KIAA1217: variants seen among roughly 807,000 people sequenced by gnomAD.
KIAA1217 encodes KIAA1217.
Under a neutral mutation model 163.9 loss-of-function variants are expected in KIAA1217, and 88 were observed. The observed-to-expected ratio is 0.54, with a 90% CI of 0.45 to 0.64. KIAA1217 has a LOEUF of 0.64. Among genes scored for constraint, KIAA1217 ranks in the 30% least tolerant of loss-of-function variants. The pLI, the probability that KIAA1217 is intolerant of heterozygous loss-of-function variation, is 0.00. For synonymous variants in KIAA1217, 903 were observed against 923.1 expected (o/e 0.98, Z 0.39); for missense variants, 2,372 against 2,475.0 (o/e 0.96, Z 0.88).
At chr10:23,841,705 C>T (rs1838791273) in intron 1 of KIAA1217, among the ~76,000 whole-genome samples, 1 of 151,868 alleles carries the variant, frequency 6.6e-6, no homozygotes, top group Non-Finnish European at 1.5e-5. Context: ...AGAAAAGCAG[C>T]TTAAATTGAT....
At chr10:24,338,297 T>G (rs1480017240) in intron 2 of KIAA1217, among the ~76,000 whole-genome samples, 1 of 152,202 alleles carries the variant, frequency 6.6e-6, no homozygotes, top group Non-Finnish European at 1.5e-5. Context: ...TCTATGCAGG[T>G]GCATCCTCTG....
At chr10:24,131,941 A>G (rs1450078970) in intron 2 of KIAA1217, among the ~76,000 whole-genome samples, 2 of 152,236 alleles carry the variant, frequency 1.3e-5, no homozygotes, top group African/African-American at 4.8e-5. Context: ...TCCACGTTTC[A>G]GTGACTTCTC....
chr10:23,818,000 T>TAC (rs1433150421), intron 1 of KIAA1217, among the ~76,000 whole-genome samples: 19 of 103,228 alleles, frequency 1.8e-4, no homozygotes, highest in African/African-American at 7.9e-4. Context: ...TATATATATA[T>TAC]ATATATATAC....
At chr10:24,402,912 C>A (rs1339207830) in intron 3 of KIAA1217, among the ~76,000 whole-genome samples, 3 of 152,220 alleles carry the variant, frequency 2.0e-5, no homozygotes, top group South Asian at 2.1e-4. Flanking sequence ...GGGAGGATCA[C>A]TTGAGGTCAG....
intron 2 of KIAA1217, among the ~76,000 whole-genome samples, chr10:24,062,538 T>C (rs1318866627): frequency 1.3e-5 from 2 of 151,372 alleles, no homozygotes; most frequent in African/African-American, 4.9e-5. Flanking sequence ...CAGTCTATCA[T>C]TGTTGGACAT....
intron 1 of KIAA1217, among the ~76,000 whole-genome samples, chr10:23,702,307 A>G (rs1836513432): frequency 6.6e-6 from 1 of 152,124 alleles, no homozygotes. Context: ...GAGACAATGA[A>G]ATGAAAGAGG....
intron 2 of KIAA1217, among the ~76,000 whole-genome samples, chr10:24,195,257 T>A (rs1321526863): frequency 1.3e-5 from 2 of 152,228 alleles, no homozygotes; most frequent in African/African-American, 4.8e-5. Context: ...AACTCTGCAG[T>A]GCCTTTTATT....
intron 5 of KIAA1217, among the ~76,000 whole-genome samples, chr10:24,466,203 C>T (rs917892963): frequency 1.3e-5 from 2 of 151,800 alleles, no homozygotes; most frequent in African/African-American, 2.4e-5. Flanking sequence ...ACCTTTAAGT[C>T]AACAGAAAAC....
chr10:24,489,425 C>T (rs895934993), intron 6 of KIAA1217, among the ~76,000 whole-genome samples: 1 of 151,970 alleles, frequency 6.6e-6, no homozygotes, highest in Non-Finnish European at 1.5e-5. Flanking sequence ...ATAGGGGAAT[C>T]GCCAGCTTCA....
intron 2 of KIAA1217, among the ~76,000 whole-genome samples, chr10:24,138,174 G>A (rs1008758599): frequency 6.6e-6 from 1 of 152,142 alleles, no homozygotes; most frequent in African/African-American, 2.4e-5. Flanking sequence ...TTGTTTTAGA[G>A]GCAGGGTCTT....
chr10:24,009,311 G>T (rs1847144275), intron 2 of KIAA1217, among the ~76,000 whole-genome samples: 1 of 152,052 alleles, frequency 6.6e-6, no homozygotes, highest in Non-Finnish European at 1.5e-5. Flanking sequence ...ACAGAATCCT[G>T]TGTAATTTAC....
chr10:24,331,361 G>A (rs1433792416), intron 2 of KIAA1217, among the ~76,000 whole-genome samples: 2 of 152,362 alleles, frequency 1.3e-5, no homozygotes, highest in East Asian at 3.9e-4. Context: ...ATGTTAGGAT[G>A]CCTTAGAATC....
At chr10:24,344,826 A>ATG (rs1193988101) in intron 2 of KIAA1217, among the ~76,000 whole-genome samples, 2 of 152,224 alleles carry the variant, frequency 1.3e-5, no homozygotes, top group East Asian at 3.8e-4. Flanking sequence ...AATGGTAGGA[A>ATG]TGTGTCTTGG....
chr10:23,762,900 A>G (rs947353707), intron 1 of KIAA1217, among the ~76,000 whole-genome samples: 3 of 152,226 alleles, frequency 2.0e-5, no homozygotes, highest in East Asian at 1.9e-4. Context: ...CCTTAAACTG[A>G]TAAGGAACTT....
intron 1 of KIAA1217, among the ~76,000 whole-genome samples, chr10:24,216,057 AAG>A (rs1317738370): frequency 6.6e-6 from 1 of 152,184 alleles, no homozygotes; most frequent in Non-Finnish European, 1.5e-5. Context: ...ATCCACAAGA[AAG>A]AGAAAAAACA....
intron 2 of KIAA1217, among the ~76,000 whole-genome samples, chr10:24,117,338 C>T (rs1394293546): frequency 6.6e-6 from 1 of 152,092 alleles, no homozygotes; most frequent in Non-Finnish European, 1.5e-5. Flanking sequence ...CCTAATAGTG[C>T]TTTTAAAGGT....
chr10:24,219,559 G>T, intron 1 of KIAA1217, 67 bp from the exon 2 acceptor site: 1 of 1,330,746 alleles, frequency 7.5e-7, no homozygotes, highest in Non-Finnish European at 1.0e-6. Context: ...AAACCCTCTT[G>T]GTGTTCTGCA....
At chr10:24,307,077 T>C (rs1424009524) in intron 2 of KIAA1217, among the ~76,000 whole-genome samples, 1 of 152,224 alleles carries the variant, frequency 6.6e-6, no homozygotes, top group African/African-American at 2.4e-5. Flanking sequence ...CCTGAAGGTC[T>C]TAGTTTATTT....
chr10:23,737,209 A>AT (rs200562540), intron 1 of KIAA1217, among the ~76,000 whole-genome samples: 3,683 of 151,486 alleles, frequency 0.024, 161 homozygotes, highest in African/African-American at 0.083. Flanking sequence ...ACATTAACAT[A>AT]TTTTTTTTTG....
Sources: allele counts gnomAD v4.1 joint callset (sites outside exome capture counted in the v4.1 genomes callset), GRCh38; gene constraint gnomAD v4.1.1; transcripts MANE v1.5; gene names NCBI Gene and HGNC (gene_info 2026-07-23, HGNC 2026-07-21).